FANK1: variants seen among roughly 807,000 people sequenced by gnomAD.
FANK1 encodes the protein fibronectin type 3 and ankyrin repeat domains protein 1.
FANK1 carries 44 observed loss-of-function variants against 45.3 expected under a neutral mutation model. The ratio of observed to expected loss-of-function variants is 0.97; its 90% confidence interval spans 0.76 to 1.25. The LOEUF (loss-of-function observed/expected upper bound fraction) is 1.25. Ranked by LOEUF, FANK1 falls within the 50% of genes most tolerant of loss-of-function variation. The pLI, the probability that FANK1 is intolerant of heterozygous loss-of-function variation, is 0.00. For missense variants in FANK1, 391 were observed against 424.4 expected (o/e 0.92, Z 0.69); for synonymous variants, 149 against 152.5 (o/e 0.98, Z 0.17).
intron 1 of FANK1, among the ~76,000 whole-genome samples, chr10:125,962,828 T>A (rs1950003428): frequency 6.6e-6 from 1 of 152,108 alleles, no homozygotes; most frequent in African/African-American, 2.4e-5. Flanking sequence ...TTGAAAAATT[T>A]ATTTTTATAA....
Position 126,009,140 on chromosome 10 carries a change from G to A in FANK1, c.927+9G>A, listed in dbSNP as rs761497148. On this transcript the variant is annotated intron_variant, in intron 9 of 10. Transcript: ENST00000368693. ...CAAGTGTAAAAAATGAGGTAAATGA[G>A]TCCATCTTTATGTAAAGATTTTCCT... The A allele has an allele frequency of 1.2e-6, 2 of 1,614,168 alleles. No individual in the cohort carries two copies. Among genetic ancestry groups the A allele is most frequent in the East Asian group, 2.2e-5 (1 of 44,888 alleles).
intron 3 of FANK1, among the ~76,000 whole-genome samples, chr10:125,993,406 T>C (rs892308439): frequency 1.3e-5 from 2 of 152,182 alleles, no homozygotes; most frequent in African/African-American, 4.8e-5. Flanking sequence ...ATGAGACGCA[T>C]CATGATTTTA....
chr10:125,923,570 C>G (rs1947102014), intron 1 of FANK1, among the ~76,000 whole-genome samples: 1 of 152,000 alleles, frequency 6.6e-6, no homozygotes, highest in African/African-American at 2.4e-5. Context: ...CTCTGTTGCC[C>G]AGGCTGGAGT....
chr10:125,963,886 G>C (rs1019041551), intron 1 of FANK1, among the ~76,000 whole-genome samples: 1 of 151,818 alleles, frequency 6.6e-6, no homozygotes, highest in Non-Finnish European at 1.5e-5. Flanking sequence ...AGAACTTAAA[G>C]TATAATAATA....
intron 1 of FANK1, among the ~76,000 whole-genome samples, chr10:125,897,340 T>C (rs1313618003): frequency 6.6e-6 from 1 of 152,310 alleles, no homozygotes; most frequent in Admixed American, 6.5e-5. Context: ...CTTACTATTT[T>C]TGTTGTTGTT....
intron 1 of FANK1, among the ~76,000 whole-genome samples, chr10:125,936,866 G>C (rs1948134359): frequency 6.6e-6 from 1 of 152,026 alleles, no homozygotes. Flanking sequence ...TTGGGAGTTG[G>C]AGACCAGCCT....
chr10:125,968,243 T>C (rs1950296622), intron 1 of FANK1, among the ~76,000 whole-genome samples: 1 of 152,158 alleles, frequency 6.6e-6, no homozygotes, highest in African/African-American at 2.4e-5. Context: ...CAGATGTTGG[T>C]TGGCCACTGC....
chr10:125,946,932 A>G (rs1303821096), intron 1 of FANK1, among the ~76,000 whole-genome samples: 1 of 149,020 alleles, frequency 6.7e-6, no homozygotes, highest in Non-Finnish European at 1.5e-5. Flanking sequence ...AAACCCTACA[A>G]GCCAGAAGAG....
intron 1 of FANK1, among the ~76,000 whole-genome samples, chr10:125,963,805 A>G (rs1950059150): frequency 6.6e-6 from 1 of 152,142 alleles, no homozygotes; most frequent in African/African-American, 2.4e-5. Flanking sequence ...TGACGAGATA[A>G]TGGGTGCAGC....
At chr10:125,989,534 G>A (rs1202637263) in intron 3 of FANK1, 1 of 745,706 alleles carries the variant, frequency 1.3e-6, no homozygotes, top group Non-Finnish European at 2.4e-6. Flanking sequence ...CTCAGCTTTT[G>A]AGTTAACTCA....
Position 126,006,576 on chromosome 10 carries a change from G to C in FANK1, c.705+1527G>C, listed in dbSNP as rs11244765. Among the ~76,000 whole-genome samples, 1,169 of 152,186 alleles carry C rather than the reference G, an allele frequency of 7.7e-3. 14 individuals are homozygous for C. The highest frequency in any genetic ancestry group is 0.027 in the African/African-American group (1,103 of 41,514). ...ACTTTGCTGAAAGAAGTCAAGCATCGGGGCCGGGCACAGTGGCTTATGCCT... is the reference window on the plus strand; with the variant it reads ...ACTTTGCTGAAAGAAGTCAAGCATCCGGGCCGGGCACAGTGGCTTATGCCT... On this transcript the variant is annotated intron_variant, in intron 7 of 10. Transcript: ENST00000368693.
At position 126,001,022 on chromosome 10, in the gene FANK1, A is replaced by G. The variant is rs193005560; in HGVS notation, c.539+3537A>G. On this transcript the variant is annotated intron_variant, in intron 6 of 10. Coordinates refer to ENST00000368693, the MANE Select transcript of FANK1 (RefSeq NM_145235.5). ...AGTGAAATAACCTGTACTTTCAAAT[A>G]TAGTTGATAGAAATGTGAATTGGTA... Among the ~76,000 whole-genome samples the G allele has an allele frequency of 2.2e-3, 338 of 152,354 alleles. 2 individuals carry two copies. Among genetic ancestry groups the G allele is most frequent in the Non-Finnish European group, 3.7e-3 (253 of 68,018 alleles).
chr10:125,931,515 C>A (rs1357112826), intron 1 of FANK1, among the ~76,000 whole-genome samples: 1 of 152,082 alleles, frequency 6.6e-6, no homozygotes, highest in Non-Finnish European at 1.5e-5. Flanking sequence ...TGTATGTCTT[C>A]TTTTGAGAAT....
At chr10:125,944,572 T>C (rs1359961189) in intron 1 of FANK1, among the ~76,000 whole-genome samples, 1 of 152,174 alleles carries the variant, frequency 6.6e-6, no homozygotes, top group Non-Finnish European at 1.5e-5. Context: ...CACTGTAACA[T>C]GTTCATAATG....
At chr10:125,929,494 T>C (rs1947607760) in intron 1 of FANK1, among the ~76,000 whole-genome samples, 1 of 152,348 alleles carries the variant, frequency 6.6e-6, no homozygotes, top group East Asian at 1.9e-4. Flanking sequence ...CTGTATTTGC[T>C]GCTTCCCAGG....
At chr10:125,997,968 C>G (rs1052839785) in intron 6 of FANK1, among the ~76,000 whole-genome samples, 2 of 152,186 alleles carry the variant, frequency 1.3e-5, no homozygotes, top group Non-Finnish European at 2.9e-5. Context: ...GGCACATGTC[C>G]CCTTGGAGGG....
At chr10:125,932,246 T>C (rs1343226482) in intron 1 of FANK1, among the ~76,000 whole-genome samples, 1 of 152,094 alleles carries the variant, frequency 6.6e-6, no homozygotes, top group Non-Finnish European at 1.5e-5. Context: ...AGAATAATGG[T>C]GGTATTTTGA....
chr10:125,996,324 A>G (rs1952324301), intron 4 of FANK1, among the ~76,000 whole-genome samples: 1 of 152,266 alleles, frequency 6.6e-6, no homozygotes, highest in South Asian at 2.1e-4. Context: ...GTGAAATTAC[A>G]TCAATTTTCT....
intron 1 of FANK1, among the ~76,000 whole-genome samples, chr10:125,953,062 C>G (rs138586394): frequency 2.2e-4 from 33 of 152,278 alleles, no homozygotes; most frequent in Non-Finnish European, 4.4e-4. Context: ...TTGGAATGAC[C>G]TGAAAGTCTG....
Sources: allele counts gnomAD v4.1 joint callset (sites outside exome capture counted in the v4.1 genomes callset), GRCh38; gene constraint gnomAD v4.1.1; transcripts MANE v1.5; gene names NCBI Gene and HGNC (gene_info 2026-07-23, HGNC 2026-07-21).